Variants in KIF6 observed in about 807,000 individuals in gnomAD.
KIF6 encodes the protein kinesin family member 6, also known as kinesin-like protein KIF6.
Under a neutral mutation model 112.7 loss-of-function variants are expected in KIF6, and 106 were observed. The observed-to-expected ratio is 0.94, with a 90% CI of 0.80 to 1.11. The LOEUF (loss-of-function observed/expected upper bound fraction) is 1.11, where lower values mean the gene tolerates loss of function less well. Ranked by LOEUF, KIF6 falls within the 50% of genes least tolerant of loss-of-function variation. The pLI is 0.00. For missense variants in KIF6, 929 were observed against 964.0 expected (o/e 0.96, Z 0.48); for synonymous variants, 339 against 339.9 (o/e 1.00, Z 0.03).
chr6:39,392,644 G>A (rs761738091), intron 15 of KIF6, among the ~76,000 whole-genome samples: 8 of 152,144 alleles, frequency 5.3e-5, no homozygotes, highest in Admixed American at 1.3e-4. Flanking sequence ...CAGAGACTAA[G>A]GAAATAAACC....
intron 15 of KIF6, among the ~76,000 whole-genome samples, chr6:39,414,591 A>C (rs1177383413): frequency 6.6e-6 from 1 of 152,218 alleles, no homozygotes; most frequent in Non-Finnish European, 1.5e-5. Flanking sequence ...ACTGGGCCCC[A>C]AAGTGCCAAA....
chr6:39,440,220 T>A (rs1771833030), intron 13 of KIF6, among the ~76,000 whole-genome samples: 1 of 151,116 alleles, frequency 6.6e-6, no homozygotes, highest in South Asian at 2.1e-4. Context: ...GTGGGGAGCA[T>A]GTGGTGCTAA....
intron 13 of KIF6, among the ~76,000 whole-genome samples, chr6:39,533,544 G>A (rs1778212662): frequency 6.6e-6 from 1 of 152,248 alleles, no homozygotes; most frequent in South Asian, 2.1e-4. Flanking sequence ...ACAGTTCAAG[G>A]AGGCCTGCCT....
intron 10 of KIF6, among the ~76,000 whole-genome samples, chr6:39,546,876 T>C (rs963166053): frequency 6.7e-6 from 1 of 150,002 alleles, no homozygotes; most frequent in African/African-American, 2.5e-5. Context: ...CACGTGCCAA[T>C]GTAGCATTCT....
rs1762895271 is a variant in KIF6, at chr6:39,335,898, G to A, written c.*634C>T. 1 of 152,494 alleles carries A rather than the reference G, an allele frequency of 6.6e-6. No homozygotes were observed. Among genetic ancestry groups the A allele is most frequent in the Non-Finnish European group, 1.5e-5 (1 of 68,314 alleles). The allele number at this position is 152,494 out of a possible 1,614,324, so 9.4% of individuals were successfully genotyped here. ...GCTATGATGTCCTTAGACCCTGCAG[G>A]GCAGATGGCTCCCTGGAGACACAGC... On this transcript the variant is annotated 3_prime_UTR_variant, in exon 23 of 23. Coordinates refer to ENST00000287152, the MANE Select transcript of KIF6 (RefSeq NM_145027.6).
At chr6:39,386,463 A>G (rs929116153) in intron 15 of KIF6, among the ~76,000 whole-genome samples, 2 of 152,192 alleles carry the variant, frequency 1.3e-5, no homozygotes, top group African/African-American at 2.4e-5. Context: ...GAACATTGTC[A>G]TATGAATTAG....
At chr6:39,674,125 T>C (rs550330793) in intron 3 of KIF6, among the ~76,000 whole-genome samples, 4 of 152,148 alleles carry the variant, frequency 2.6e-5, no homozygotes, top group Non-Finnish European at 2.9e-5. Flanking sequence ...CTGAAAGTAA[T>C]ATTTGTTTAA....
chr6:39,525,685 C>T (rs192316328), intron 13 of KIF6, among the ~76,000 whole-genome samples: 18 of 152,142 alleles, frequency 1.2e-4, no homozygotes, highest in South Asian at 2.1e-4. Context: ...ACCCAGGAGG[C>T]GGAAGTTGCA....
chr6:39,443,669 C>T (rs571142510), intron 13 of KIF6, among the ~76,000 whole-genome samples: 31 of 152,054 alleles, frequency 2.0e-4, no homozygotes, highest in Admixed American at 6.6e-4. Flanking sequence ...TTCTCGAACT[C>T]CTGGCCTCAA....
intron 13 of KIF6, among the ~76,000 whole-genome samples, chr6:39,523,095 T>G (rs1340126201): frequency 4.6e-5 from 7 of 152,220 alleles, no homozygotes; most frequent in Non-Finnish European, 8.8e-5. Context: ...CCTCCAAACC[T>G]ACTTTTCTTG....
chr6:39,470,708 A>G (rs770476303), intron 13 of KIF6, among the ~76,000 whole-genome samples: 5 of 152,182 alleles, frequency 3.3e-5, no homozygotes, highest in Non-Finnish European at 7.3e-5. Flanking sequence ...TGTTTCCACT[A>G]TTCCCCATCA....
intron 6 of KIF6, among the ~76,000 whole-genome samples, chr6:39,598,357 AC>A (rs1289890199): frequency 1.3e-5 from 2 of 152,196 alleles, no homozygotes; most frequent in African/African-American, 4.8e-5. Flanking sequence ...ATAACTTAGA[AC>A]CATAAGGTTT....
At chr6:39,575,746 C>G (rs1454209896) in intron 10 of KIF6, among the ~76,000 whole-genome samples, 2 of 152,232 alleles carry the variant, frequency 1.3e-5, no homozygotes, top group Non-Finnish European at 2.9e-5. Flanking sequence ...TGCCCCACTA[C>G]AACAGCTCTA....
At chr6:39,492,369 A>G (rs922792311) in intron 13 of KIF6, among the ~76,000 whole-genome samples, 1 of 152,220 alleles carries the variant, frequency 6.6e-6, no homozygotes, top group East Asian at 1.9e-4. Context: ...AGTTTGGGCT[A>G]AAGGAACAGA....
chr6:39,451,504 T>C (rs1359824575), intron 13 of KIF6, among the ~76,000 whole-genome samples: 2 of 152,170 alleles, frequency 1.3e-5, no homozygotes, highest in South Asian at 2.1e-4. Flanking sequence ...GAAAGAACTG[T>C]TATAAAAATG....
intron 10 of KIF6, among the ~76,000 whole-genome samples, chr6:39,577,557 G>T (rs1419876685): frequency 3.3e-5 from 5 of 152,210 alleles, no homozygotes; most frequent in Admixed American, 6.5e-5. Flanking sequence ...TGCCGCAGTT[G>T]TATAAAGCCC....
chr6:39,524,195 A>G (rs1270022121), intron 13 of KIF6, among the ~76,000 whole-genome samples: 1 of 152,112 alleles, frequency 6.6e-6, no homozygotes, highest in Non-Finnish European at 1.5e-5. Context: ...AGAGAGTGAG[A>G]AAGAGAGGGA....
At chr6:39,599,149 T>C (rs1462457875) in intron 6 of KIF6, among the ~76,000 whole-genome samples, 1 of 152,232 alleles carries the variant, frequency 6.6e-6, no homozygotes, top group Non-Finnish European at 1.5e-5. Flanking sequence ...TGTTTTACAT[T>C]TTTTGGAACA....
chr6:39,471,196 G>T (rs1443146011), intron 13 of KIF6, among the ~76,000 whole-genome samples: 1 of 151,960 alleles, frequency 6.6e-6, no homozygotes, highest in East Asian at 1.9e-4. Flanking sequence ...GTTCCTTCCT[G>T]AGGCAGCCTC....
Sources: allele counts gnomAD v4.1 joint callset (sites outside exome capture counted in the v4.1 genomes callset), GRCh38; gene constraint gnomAD v4.1.1; transcripts MANE v1.5; gene names NCBI Gene and HGNC (gene_info 2026-07-23, HGNC 2026-07-21).